The following METAP2 variants were observed in gnomAD, a reference collection of about 807,000 sequenced individuals.
The protein encoded by METAP2 is methionyl aminopeptidase 2.
A neutral mutation model predicts 59.4 loss-of-function variants in METAP2; 25 were observed. The observed-to-expected ratio is 0.42, with a 90% CI of 0.31 to 0.59. The LOEUF is 0.59. Among genes scored for constraint, METAP2 ranks in the 20% least tolerant of loss-of-function variants. The pLI is 0.16. For synonymous variants in METAP2, 214 were observed against 194.1 expected (o/e 1.10, Z -0.85); for missense variants, 366 against 581.2 (o/e 0.63, Z 3.81).
chr12:95,485,350 ATCAGATT>A (rs1290840414), intron 3 of METAP2, among the ~76,000 whole-genome samples: 1 of 152,176 alleles, frequency 6.6e-6, no homozygotes, highest in Non-Finnish European at 1.5e-5. Context: ...AGGCATCTTT[ATCAGATT>A]TGTAGATGAG....
intron 7 of METAP2, among the ~76,000 whole-genome samples, chr12:95,501,697 G>C (rs1487765965): frequency 6.6e-6 from 1 of 150,566 alleles, no homozygotes; most frequent in African/African-American, 2.4e-5. Flanking sequence ...CCTGGCGACA[G>C]AGCAAAACTC....
chr12:95,496,940 T>G (rs567626821), intron 7 of METAP2, among the ~76,000 whole-genome samples: 5 of 147,750 alleles, frequency 3.4e-5, no homozygotes, highest in African/African-American at 7.5e-5. Context: ...TACTCCTGCC[T>G]CAGCCTCCCG....
At chr12:95,507,984 T>C (rs987619773) in intron 8 of METAP2, among the ~76,000 whole-genome samples, 3 of 150,106 alleles carry the variant, frequency 2.0e-5, no homozygotes, top group Non-Finnish European at 4.4e-5. Context: ...TGTTTCTCCA[T>C]GTTGGTCAGG....
intron 7 of METAP2, among the ~76,000 whole-genome samples, 158 bp downstream of exon 7, chr12:95,496,256 G>A (rs1255116670): frequency 6.6e-6 from 1 of 152,050 alleles, no homozygotes; most frequent in Non-Finnish European, 1.5e-5. Context: ...TTTTAAGCGG[G>A]TAAGTGTATG....
At chr12:95,491,490 G>C (rs936984326) in intron 4 of METAP2, among the ~76,000 whole-genome samples, 4 of 152,120 alleles carry the variant, frequency 2.6e-5, no homozygotes, top group African/African-American at 9.7e-5. Flanking sequence ...GATTTTATGT[G>C]ATACATGCAT....
At chr12:95,501,444 G>T (rs188526) in intron 7 of METAP2, among the ~76,000 whole-genome samples, 3 of 152,270 alleles carry the variant, frequency 2.0e-5, no homozygotes, top group African/African-American at 7.2e-5. Context: ...TTGGCCGCGC[G>T]CGGTGGCTCA....
intron 8 of METAP2, among the ~76,000 whole-genome samples, chr12:95,510,340 A>G (rs140077455): frequency 6.6e-6 from 1 of 152,308 alleles, no homozygotes; most frequent in East Asian, 1.9e-4. Flanking sequence ...ATTTATAAAG[A>G]ACAGAAATTG....
intron 4 of METAP2, among the ~76,000 whole-genome samples, chr12:95,488,442 G>A (rs1185690043): frequency 6.8e-6 from 1 of 147,922 alleles, no homozygotes; most frequent in East Asian, 2.0e-4. Flanking sequence ...ACAGGAGATG[G>A]AGGTTGCAGT....
chr12:95,476,747 TAGTG>T (rs1264255233), intron 2 of METAP2, among the ~76,000 whole-genome samples: 1 of 152,184 alleles, frequency 6.6e-6, no homozygotes, highest in Non-Finnish European at 1.5e-5. Context: ...GAAGGCAAAG[TAGTG>T]AGTATTAATA....
intron 2 of METAP2, among the ~76,000 whole-genome samples, chr12:95,481,281 C>T (rs1025920306): frequency 7.2e-5 from 11 of 152,100 alleles, no homozygotes; most frequent in Non-Finnish European, 1.6e-4. Flanking sequence ...TATAGTGGTG[C>T]GTGCCTGTAG....
chr12:95,488,817 TTG>T, intron 4 of METAP2, among the ~76,000 whole-genome samples: 1 of 152,262 alleles, frequency 6.6e-6, no homozygotes, highest in Middle Eastern at 3.4e-3. Context: ...TAATACTATT[TTG>T]ATTTGATATC....
At chr12:95,493,986 A>T in intron 4 of METAP2, 70 bp from the exon 5 acceptor site, 1 of 1,278,780 alleles carries the variant, frequency 7.8e-7, no homozygotes, top group Non-Finnish European at 1.1e-6. Flanking sequence ...CTTGTTACTT[A>T]GTATAGTTGT....
At chr12:95,475,919 C>T (rs2076114872) in intron 1 of METAP2, 152 bp from the exon 2 acceptor site, 1 of 542,438 alleles carries the variant, frequency 1.8e-6, no homozygotes, top group Non-Finnish European at 3.3e-6. Context: ...GAAGATTTTT[C>T]TGTCATTAAA....
chr12:95,488,337 TAAAAATAA>T (rs753587778), intron 4 of METAP2, among the ~76,000 whole-genome samples: 27 of 151,324 alleles, frequency 1.8e-4, no homozygotes, highest in South Asian at 4.2e-4. Flanking sequence ...CCGTCTCTAC[TAAAAATAA>T]AAAAATAAAA....
intron 4 of METAP2, among the ~76,000 whole-genome samples, chr12:95,487,467 C>T (rs1371959423): frequency 4.6e-5 from 7 of 152,044 alleles, no homozygotes; most frequent in Non-Finnish European, 8.8e-5. Flanking sequence ...AATTTGAAAT[C>T]GTCAATTGTC....
rs1408818144 is a variant in METAP2, at chr12:95,514,155, A to G, written c.*251A>G. 1 of 478,990 alleles carries G rather than the reference A, an allele frequency of 2.1e-6. No individual in the cohort carries two copies. Among genetic ancestry groups the G allele is most frequent in the Non-Finnish European group, 3.6e-6 (1 of 274,834 alleles). 29.7% of individuals were successfully genotyped at this position (478,990 alleles called of 1,614,324 possible). On this transcript the variant is annotated 3_prime_UTR_variant, in exon 11 of 11. Coordinates refer to ENST00000323666, the MANE Select transcript of METAP2 (RefSeq NM_006838.4). ...TCTAGGAAAATGCTATAAAGCTCAA[A>G]TTAGTTAGGAATGACTTATACGTTT...
intron 8 of METAP2, among the ~76,000 whole-genome samples, chr12:95,509,237 G>A (rs2076383731): frequency 6.6e-6 from 1 of 152,160 alleles, no homozygotes; most frequent in African/African-American, 2.4e-5. Context: ...TGGCTTGTAA[G>A]GGTCAGTCTG....
At position 95,503,877 on chromosome 12, in the gene METAP2, G is replaced by T. The variant is rs78145003; in HGVS notation, c.868-188G>T. Among the ~76,000 whole-genome samples, 1,007 of 152,264 alleles carry T rather than the reference G, an allele frequency of 6.6e-3. 2 individuals carry two copies. The highest frequency in any genetic ancestry group is 0.011 in the Non-Finnish European group (756 of 68,022). Reference sequence around the variant, plus strand: ...TGTCAGTGCACTTGTTGTCTATTTAGGGAGGCAGATTCCTGGTGCTTAATA... The same window carrying T: ...TGTCAGTGCACTTGTTGTCTATTTATGGAGGCAGATTCCTGGTGCTTAATA... On this transcript the variant is annotated intron_variant, in intron 7 of 10. Coordinates refer to ENST00000323666, the MANE Select transcript of METAP2 (RefSeq NM_006838.4).
chr12:95,511,612 G>T (rs567573391), intron 8 of METAP2, among the ~76,000 whole-genome samples: 4 of 151,928 alleles, frequency 2.6e-5, no homozygotes, highest in African/African-American at 9.7e-5. Flanking sequence ...GGCTGGTCTC[G>T]AACTCCTGAC....
Sources: allele counts gnomAD v4.1 joint callset (sites outside exome capture counted in the v4.1 genomes callset), GRCh38; gene constraint gnomAD v4.1.1; transcripts MANE v1.5; gene names NCBI Gene and HGNC (gene_info 2026-07-23, HGNC 2026-07-21).